The following RBPMS variants were observed in gnomAD, a reference collection of about 807,000 sequenced individuals.
RBPMS encodes the protein RNA binding protein, mRNA processing factor.
A neutral mutation model predicts 26.8 loss-of-function variants in RBPMS; 7 were observed. The observed-to-expected ratio is 0.26, with a 90% CI of 0.15 to 0.49. RBPMS has a LOEUF of 0.49. Ranked by LOEUF, RBPMS falls within the 20% of genes least tolerant of loss-of-function variation. The pLI, the probability that RBPMS is intolerant of heterozygous loss-of-function variation, is 0.98. For missense variants in RBPMS, 186 were observed against 250.0 expected (o/e 0.74, Z 1.73); for synonymous variants, 96 against 93.3 (o/e 1.03, Z -0.17).
intron 1 of RBPMS, among the ~76,000 whole-genome samples, chr8:30,463,629 G>A (rs904611388): frequency 6.6e-5 from 10 of 152,234 alleles, no homozygotes; most frequent in African/African-American, 9.6e-5. Flanking sequence ...CTTAAGTGAA[G>A]CCATGCTAAA....
In RBPMS at chr8:30,540,082, C is replaced by T. The variant is rs555636953; in HGVS notation, c.398-4412C>T. ...AAAGCAGTCTTCTAGACTAGCAGTGCGAGACCAGGCCCCTCCCTGCCCCCA... is the reference window on the plus strand; with the variant it reads ...AAAGCAGTCTTCTAGACTAGCAGTGTGAGACCAGGCCCCTCCCTGCCCCCA... On this transcript the variant is annotated intron_variant, in intron 5 of 8. Coordinates refer to ENST00000397323, the MANE Select transcript of RBPMS (RefSeq NM_001008710.3). Among the ~76,000 whole-genome samples the T allele has an allele frequency of 5.9e-5, 9 of 152,238 alleles. No homozygotes were observed. The South Asian group carries it at 1.5e-3, about 25-fold the overall frequency.
At chr8:30,557,472 C>T (rs559107027) in intron 6 of RBPMS, among the ~76,000 whole-genome samples, 2 of 152,336 alleles carry the variant, frequency 1.3e-5, no homozygotes, top group South Asian at 4.1e-4. Flanking sequence ...CCCCAGACTT[C>T]AGCTGGTGCC....
intron 6 of RBPMS, among the ~76,000 whole-genome samples, chr8:30,549,742 C>CTTTCTTTGCA (rs1554543780): frequency 6.9e-6 from 1 of 143,960 alleles, no homozygotes; most frequent in African/African-American, 2.7e-5. Context: ...TTCTTTCTTT[C>CTTTCTTTGCA]TTTCTTTCCT....
intron 1 of RBPMS, chr8:30,444,563 ATTG>A (rs1176672238): frequency 6.6e-6 from 1 of 152,200 alleles, no homozygotes; most frequent in Non-Finnish European, 1.5e-5. Flanking sequence ...TTATGACTAG[ATTG>A]TTATTATTTA....
chr8:30,419,956 G>A (rs1431400976), intron 1 of RBPMS, among the ~76,000 whole-genome samples: 1 of 152,162 alleles, frequency 6.6e-6, no homozygotes, highest in Non-Finnish European at 1.5e-5. Context: ...CTGGTGCAGT[G>A]GCTCATGTGT....
chr8:30,538,586 A>G (rs1825056189), intron 5 of RBPMS, among the ~76,000 whole-genome samples: 1 of 152,118 alleles, frequency 6.6e-6, no homozygotes, highest in African/African-American at 2.4e-5. Flanking sequence ...TTTCATAAAC[A>G]TCTTCATCTA....
intron 6 of RBPMS, chr8:30,556,857 T>A (rs1385455795): frequency 1.2e-6 from 1 of 833,596 alleles, no homozygotes; most frequent in Non-Finnish European, 1.4e-6. Context: ...GACTCTTCTG[T>A]CCCCTTCCCT....
At chr8:30,538,723 G>A (rs1285808952) in intron 5 of RBPMS, among the ~76,000 whole-genome samples, 1 of 152,122 alleles carries the variant, frequency 6.6e-6, no homozygotes, top group African/African-American at 2.4e-5. Context: ...CTGAAATCAC[G>A]GTGTCAGCAG....
chr8:30,447,464 A>G lies in RBPMS; in HGVS notation c.67-27315A>G. ...TTGTGAATTTTGGATACTCATCATT[A>G]TAAACATCTGACAAAAAGACTGAAC... On this transcript the variant is annotated intron_variant, in intron 1 of 8. Coordinates refer to ENST00000397323, the MANE Select transcript of RBPMS (RefSeq NM_001008710.3). Among the ~76,000 whole-genome samples the G allele has an allele frequency of 2.0e-5, 3 of 152,348 alleles. 1 individual carries two copies. In the South Asian group the frequency reaches 6.2e-4, roughly 32 times the overall value.
At chr8:30,517,541 A>G (rs1211308730) in intron 5 of RBPMS, among the ~76,000 whole-genome samples, 1 of 152,220 alleles carries the variant, frequency 6.6e-6, no homozygotes, top group Non-Finnish European at 1.5e-5. Flanking sequence ...CTGGTCAAAC[A>G]TTAACAGTTC....
intron 6 of RBPMS, among the ~76,000 whole-genome samples, chr8:30,557,597 C>T (rs1827057137): frequency 1.3e-5 from 2 of 152,204 alleles, no homozygotes; most frequent in African/African-American, 4.8e-5. Flanking sequence ...GCCAGAATGG[C>T]TCTTGCTTCA....
intron 8 of RBPMS, among the ~76,000 whole-genome samples, chr8:30,567,008 T>C (rs1193624640): frequency 6.6e-6 from 1 of 152,042 alleles, no homozygotes; most frequent in Non-Finnish European, 1.5e-5. Context: ...AAATGTAGTC[T>C]AAAAAAAATC....
chr8:30,484,858 C>T (rs1401991580), intron 4 of RBPMS, among the ~76,000 whole-genome samples: 1 of 152,114 alleles, frequency 6.6e-6, no homozygotes, highest in African/African-American at 2.4e-5. Flanking sequence ...TGATTACAGC[C>T]TTGTACATAA....
intron 1 of RBPMS, among the ~76,000 whole-genome samples, chr8:30,454,011 C>T (rs997559254): frequency 1.3e-5 from 2 of 152,166 alleles, no homozygotes; most frequent in Non-Finnish European, 2.9e-5. Context: ...ACATCCTGGA[C>T]ATTCTTGAGA....
intron 8 of RBPMS, among the ~76,000 whole-genome samples, 182 bp from the exon 9 acceptor site, chr8:30,570,455 C>A (rs1487226672): frequency 6.6e-6 from 1 of 152,144 alleles, no homozygotes; most frequent in Non-Finnish European, 1.5e-5. Context: ...AGGACTTGCC[C>A]CATGTTTCTA....
intron 5 of RBPMS, chr8:30,537,739 G>T (rs770825534): frequency 1.4e-5 from 6 of 432,138 alleles, no homozygotes; most frequent in Non-Finnish European, 2.8e-5. Flanking sequence ...AGGGGCTCCT[G>T]CTAATGTCTC....
intron 6 of RBPMS, chr8:30,556,173 T>A: frequency 1.0e-6 from 1 of 985,422 alleles, no homozygotes; most frequent in Non-Finnish European, 1.2e-6. Flanking sequence ...GGGGTCTGTG[T>A]GTCCGCCACC....
At chr8:30,528,475 G>A (rs952766264) in intron 5 of RBPMS, among the ~76,000 whole-genome samples, 3 of 152,156 alleles carry the variant, frequency 2.0e-5, no homozygotes, top group African/African-American at 7.2e-5. Context: ...ACCATGGTGG[G>A]TCATTAGGTC....
chr8:30,508,072 A>AT (rs1314464419), intron 5 of RBPMS, among the ~76,000 whole-genome samples: 1 of 152,164 alleles, frequency 6.6e-6, no homozygotes, highest in Non-Finnish European at 1.5e-5. Flanking sequence ...TAAAGAGATG[A>AT]TTAAGTTCAA....
Sources: gnomAD v4.1 joint callset for allele counts (sites outside exome capture counted in the v4.1 genomes callset) on GRCh38, gnomAD v4.1.1 for gene constraint, MANE v1.5 for transcripts, NCBI Gene and HGNC (gene_info 2026-07-23, HGNC 2026-07-21) for gene names.